Variants in SGSM1 observed in about 807,000 individuals in gnomAD.
SGSM1 encodes RUN and TBC1 domain containing 2.
Under a neutral mutation model 133.8 loss-of-function variants are expected in SGSM1, and 73 were observed. The observed-to-expected ratio is 0.55, with a 90% CI of 0.45 to 0.66. SGSM1 has a LOEUF of 0.66. SGSM1 is among the 30% of genes least tolerant of loss of function. SGSM1 has a pLI of 0.00. For missense variants in SGSM1, 1,213 were observed against 1,448.1 expected (o/e 0.84, Z 2.64); for synonymous variants, 563 against 573.0 (o/e 0.98, Z 0.25).
At chr22:24,886,494 A>G (rs1388928665) in intron 15 of SGSM1, 106 bp from the exon 16 acceptor site, 2 of 1,402,120 alleles carry the variant, frequency 1.4e-6, no homozygotes, top group South Asian at 2.8e-5. Flanking sequence ...ACTGAAGGTC[A>G]GGAGTTCAAG....
At chr22:24,806,538 A>G (rs1370802782) in intron 2 of SGSM1, 54 bp downstream of exon 2, 1 of 1,485,620 alleles carries the variant, frequency 6.7e-7, no homozygotes, top group East Asian at 2.9e-5. Context: ...CAGCGGCCAA[A>G]CGGGAAAAGA....
chr22:24,817,473 C>G (rs57371705), intron 2 of SGSM1, among the ~76,000 whole-genome samples: 1 of 152,042 alleles, frequency 6.6e-6, no homozygotes, highest in Non-Finnish European at 1.5e-5. Context: ...CTGCCTCAGC[C>G]TCCTAAGTAG....
chr22:24,837,586 C>CT (rs1555922707), intron 2 of SGSM1, among the ~76,000 whole-genome samples: 1,497 of 74,062 alleles, frequency 0.02, 44 homozygotes, highest in East Asian at 0.1. Flanking sequence ...AGACCCCCCC[C>CT]CCCCCTTTCC....
intron 20 of SGSM1, among the ~76,000 whole-genome samples, chr22:24,903,930 C>T (rs1004290525): frequency 1.4e-5 from 2 of 147,876 alleles, no homozygotes; most frequent in Admixed American, 6.8e-5. Flanking sequence ...CAAGATTGCA[C>T]CATTGCACTC....
intron 9 of SGSM1, among the ~76,000 whole-genome samples, chr22:24,866,610 T>C (rs552433517): frequency 6.6e-6 from 1 of 152,380 alleles, no homozygotes; most frequent in East Asian, 1.9e-4. Flanking sequence ...TCTTCCTGTC[T>C]TTTGACACCA....
chr22:24,845,954 TTTCTTTCTTTCTTTC>T (rs1422915707), intron 3 of SGSM1, among the ~76,000 whole-genome samples: 49 of 89,894 alleles, frequency 5.5e-4, no homozygotes, highest in Middle Eastern at 5.6e-3. Context: ...TCTTTCTTTC[TTTCTTTCTTTCTTTC>T]TTTCTTTCTT....
At position 24,904,376 on chromosome 22, in the gene SGSM1, C is replaced by T. The variant is rs141188062; in HGVS notation, c.2736-729C>T. Reference sequence around the variant, plus strand: ...CGGGCGGGTCATGAGGTCAGGAGATCGAGACCATCCTGGCTAACATGGTGA... The same window carrying T: ...CGGGCGGGTCATGAGGTCAGGAGATTGAGACCATCCTGGCTAACATGGTGA... On this transcript the variant is annotated intron_variant, in intron 20 of 24. Coordinates refer to ENST00000400358, the MANE Select transcript of SGSM1 (RefSeq NM_001098497.3). 2.5e-3 allele frequency among the ~76,000 whole-genome samples: 383 copies of T among 152,036 alleles called. 10 individuals are homozygous for T. In the East Asian group the frequency reaches 0.048, roughly 19 times the overall value.
chr22:24,908,801 C>CAA (rs899607046), intron 21 of SGSM1, among the ~76,000 whole-genome samples: 1 of 111,210 alleles, frequency 9.0e-6, no homozygotes. Flanking sequence ...GACTCCATCT[C>CAA]AAAAAAAAAA....
rs1930114785 is a variant in SGSM1, at chr22:24,845,987, T to TTCTTTCTTTC, written c.139+1017_139+1026dup. Among the ~76,000 whole-genome samples the TTCTTTCTTTC allele has an allele frequency of 2.0e-5, 3 of 148,700 alleles. 1 individual carries two copies. Among genetic ancestry groups the TTCTTTCTTTC allele is most frequent in the African/African-American group, 7.5e-5 (3 of 39,920 alleles). On this transcript the variant is annotated intron_variant, in intron 3 of 24. Coordinates refer to ENST00000400358, the MANE Select transcript of SGSM1 (RefSeq NM_001098497.3). ...TTTCTTTCTTTCTTTCTTTCTTTCTTTCTTTCTTTCTTTCTTTCTTTCTTC... is the reference window on the plus strand; with the variant it reads ...TTTCTTTCTTTCTTTCTTTCTTTCTTTCTTTCTTTCTCTTTCTTTCTTTCTTTCTTTCTTC...
intron 2 of SGSM1, among the ~76,000 whole-genome samples, chr22:24,818,241 A>ATAAAT (rs201771287): frequency 6.6e-6 from 1 of 150,838 alleles, no homozygotes; most frequent in Non-Finnish European, 1.5e-5. Context: ...CAAAAAAAAA[A>ATAAAT]AAAATAAAAT....
At chr22:24,814,128 T>G (rs1335940088) in intron 2 of SGSM1, 1 of 152,194 alleles carries the variant, frequency 6.6e-6, no homozygotes, top group Non-Finnish European at 1.5e-5. Context: ...GCCAAGTCTT[T>G]GTTTTTTCCA....
At position 24,806,257 on chromosome 22, in the gene SGSM1, C is replaced by T; in HGVS notation, c.-69C>T. The T allele has an allele frequency of 7.4e-7, 1 of 1,351,510 alleles. No homozygotes were observed. The highest frequency in any genetic ancestry group is 9.5e-7 in the Non-Finnish European group (1 of 1,057,304). 83.7% of individuals were successfully genotyped at this position (1,351,510 alleles called of 1,614,324 possible). Reference sequence around the variant, plus strand: ...CGCCGCGGCTGCAGCAGCAGCGCCGCGGCCGGAGGAGCTACCGCCGCCACC... The same window carrying T: ...CGCCGCGGCTGCAGCAGCAGCGCCGTGGCCGGAGGAGCTACCGCCGCCACC... On this transcript the variant is annotated 5_prime_UTR_variant, in exon 1 of 25. Coordinates refer to ENST00000400358, the MANE Select transcript of SGSM1 (RefSeq NM_001098497.3).
chr22:24,893,663 T>C (rs1178131250), intron 17 of SGSM1, 50 bp downstream of exon 17: 2 of 1,490,290 alleles, frequency 1.3e-6, no homozygotes, highest in South Asian at 2.7e-5. Context: ...AAGGTCAGGG[T>C]CTGCTTCATT....
At chr22:24,873,293 C>T (rs1375450654) in intron 12 of SGSM1, among the ~76,000 whole-genome samples, 2 of 152,110 alleles carry the variant, frequency 1.3e-5, no homozygotes, top group Admixed American at 1.3e-4. Context: ...TAATGCTGGT[C>T]TAGCGTGGGG....
At chr22:24,859,475 G>T in intron 8 of SGSM1, 1 of 559,522 alleles carries the variant, frequency 1.8e-6, no homozygotes, top group Non-Finnish European at 3.4e-6. Context: ...TGAAAGTGAT[G>T]GGGGTGGGAG....
chr22:24,857,358 A>T (rs568781722), intron 8 of SGSM1, among the ~76,000 whole-genome samples: 143 of 148,396 alleles, frequency 9.6e-4, no homozygotes, highest in African/African-American at 3.4e-3. Context: ...CAGTAAGCCA[A>T]GCTCGCACCA....
At chr22:24,864,507 T>C (rs188150084) in intron 9 of SGSM1, among the ~76,000 whole-genome samples, 138 of 152,246 alleles carry the variant, frequency 9.1e-4, no homozygotes, top group Non-Finnish European at 1.6e-3. Flanking sequence ...AAGAGATAAA[T>C]CACCAGTGGA....
At chr22:24,851,415 C>A in intron 5 of SGSM1, among the ~76,000 whole-genome samples, 1 of 121,380 alleles carries the variant, frequency 8.2e-6, no homozygotes, top group African/African-American at 3.3e-5. Flanking sequence ...TCTCCAGCCC[C>A]CAAGAGGTGG....
chr22:24,909,365 G>A (rs1933533854), intron 21 of SGSM1, among the ~76,000 whole-genome samples: 1 of 152,054 alleles, frequency 6.6e-6, no homozygotes, highest in Non-Finnish European at 1.5e-5. Context: ...AGAAAATCAC[G>A]GGTTGATAAG....
Sources: allele counts gnomAD v4.1 joint callset (sites outside exome capture counted in the v4.1 genomes callset), GRCh38; gene constraint gnomAD v4.1.1; transcripts MANE v1.5; gene names NCBI Gene and HGNC (gene_info 2026-07-23, HGNC 2026-07-21).